The following NEO1 variants were observed in gnomAD, a reference collection of about 807,000 sequenced individuals.
NEO1 encodes the protein neogenin 1, also known as neogenin.
In NEO1, 63 loss-of-function variants were observed where a neutral mutation model predicts 159.7. That is an observed-to-expected ratio of 0.39 (90% confidence interval 0.32 to 0.49). NEO1 has a LOEUF of 0.49. Ranked by LOEUF, NEO1 falls within the 20% of genes least tolerant of loss-of-function variation. The pLI, the probability that NEO1 is intolerant of heterozygous loss-of-function variation, is 0.85. For missense variants in NEO1, 1,615 were observed against 1,831.0 expected, an observed-to-expected ratio of 0.88 and a Z score of 2.15; for synonymous variants, 633 against 662.0, an observed-to-expected ratio of 0.96 and a Z score of 0.67.
At chr15:73,132,654 TC>T (rs2031278023) in intron 4 of NEO1, among the ~76,000 whole-genome samples, 1 of 151,906 alleles carries the variant, frequency 6.6e-6, no homozygotes, top group Admixed American at 6.6e-5. Context: ...AGGACTAATA[TC>T]CAGAAGCTAG....
intron 3 of NEO1, among the ~76,000 whole-genome samples, chr15:73,125,592 C>T (rs2030092060): frequency 6.6e-6 from 1 of 152,210 alleles, no homozygotes; most frequent in Non-Finnish European, 1.5e-5. Flanking sequence ...CACATCTCTT[C>T]TGCCTGAGAC....
chr15:73,107,493 A>G (rs2070751794), intron 1 of NEO1, among the ~76,000 whole-genome samples: 2 of 152,344 alleles, frequency 1.3e-5, no homozygotes, highest in South Asian at 4.1e-4. Context: ...TTACTGTGAT[A>G]TAACATTTGG....
chr15:73,178,187 A>C, intron 6 of NEO1, 120 bp from the exon 7 acceptor site: 1 of 905,700 alleles, frequency 1.1e-6, no homozygotes, highest in Non-Finnish European at 1.6e-6. Flanking sequence ...GATAATATTT[A>C]ATAATTGGAT....
At chr15:73,252,956 C>T (rs1029728727) in intron 11 of NEO1, among the ~76,000 whole-genome samples, 1 of 152,152 alleles carries the variant, frequency 6.6e-6, no homozygotes, top group Non-Finnish European at 1.5e-5. Context: ...CGCCATTGTG[C>T]TCCAGCCTGG....
At chr15:73,071,937 T>TTTTGTTTGTTTG (rs35895070) in intron 1 of NEO1, among the ~76,000 whole-genome samples, 11 of 150,622 alleles carry the variant, frequency 7.3e-5, no homozygotes, top group African/African-American at 2.5e-4. Context: ...TTTAATTTAA[T>TTTTGTTTGTTTG]TTTGTTTGTT....
chr15:73,298,475 T>C lies in NEO1; in HGVS notation c.4029T>C (p.Asp1343=), dbSNP rs1032124912. The change falls in exon 27 of 29, where the codon GAT becomes GAC. Residue 1343 remains aspartate, a synonymous_variant. Coordinates refer to ENST00000261908, the MANE Select transcript of NEO1 (RefSeq NM_002499.4). ...SSYLASSQEE[D]SGQSLPTAHV... Reference sequence around the variant, plus strand: ...ACTTGGCCAGCTCCCAAGAGGAAGATTCAGGCCAGAGTCTTCCCACTGCCC... The same window carrying C: ...ACTTGGCCAGCTCCCAAGAGGAAGACTCAGGCCAGAGTCTTCCCACTGCCC... 3 of 1,614,174 alleles carry C rather than the reference T, an allele frequency of 1.9e-6. No homozygotes were observed. In the African/African-American group the frequency reaches 4.0e-5, roughly 22 times the overall value.
intron 7 of NEO1, among the ~76,000 whole-genome samples, chr15:73,195,595 T>C (rs1246713145): frequency 6.6e-6 from 1 of 152,218 alleles, no homozygotes; most frequent in Non-Finnish European, 1.5e-5. Context: ...GTAATAGTGT[T>C]TTAATATTTT....
chr15:73,292,320 G>A (rs1481431759), intron 25 of NEO1, among the ~76,000 whole-genome samples: 1 of 152,204 alleles, frequency 6.6e-6, no homozygotes, highest in East Asian at 1.9e-4. Flanking sequence ...AGGCCACTAA[G>A]TGTTAATTAA....
rs1164243805 is a variant in NEO1 at position 73,178,354 on chromosome 15, G to C, written c.1218G>C (p.Gly406=). The C allele has an allele frequency of 1.9e-6, 3 of 1,613,720 alleles. No homozygotes were observed. Among genetic ancestry groups the C allele is most frequent in the Admixed American group, 1.7e-5 (1 of 60,000 alleles). The change falls in exon 7 of 29, where the codon GGG becomes GGC. Residue 406 remains glycine, a synonymous_variant. Transcript: ENST00000261908. The stretch of plus-strand genomic sequence containing the variant: ...TGGGTCTGGTGAAATCAGATGAAGG[G>C]TTCTATCAGTGCATTGCTGAAAATG... The part of the protein sequence containing the change: ...QVLGLVKSDE[G]FYQCIAENDV...
chr15:73,083,262 C>G lies in NEO1; in HGVS notation c.130+30457C>G, dbSNP rs1040582032. ...GCAATTGTGGTAGTTGTGGCTTGGACTAGAGAGTGTAAATGGGCGTGATGA... is the reference window on the plus strand; with the variant it reads ...GCAATTGTGGTAGTTGTGGCTTGGAGTAGAGAGTGTAAATGGGCGTGATGA... On this transcript the variant is annotated intron_variant, in intron 1 of 28. Transcript: ENST00000261908. Among the ~76,000 whole-genome samples the G allele has an allele frequency of 3.9e-5, 6 of 152,076 alleles. 1 individual carries two copies. Among genetic ancestry groups the G allele is most frequent in the Admixed American group, 6.5e-5 (1 of 15,268 alleles).
rs1407805149 is a variant in NEO1, at chr15:73,168,383, G to GGC, written c.1016-8019_1016-8018insCG. ...ATTTTTAGTAGAGACGGGGGGTGGGGGGGGGGGGTCTCACCATGTTGGCTA... is the reference window on the plus strand; with the variant it reads ...ATTTTTAGTAGAGACGGGGGGTGGGGGCGGGGGGGGTCTCACCATGTTGGCTA... On this transcript the variant is annotated intron_variant, in intron 5 of 28. Transcript: ENST00000261908. Among the ~76,000 whole-genome samples the GGC allele has an allele frequency of 1.4e-3, 121 of 87,288 alleles. 3 individuals carry two copies. The highest frequency in any genetic ancestry group is 6.8e-3 in the Middle Eastern group (1 of 146). 57.3% of individuals were successfully genotyped at this position (87,288 alleles called of 152,430 possible). A position where few individuals can be genotyped will look rare whatever the true frequency, so the allele number is the denominator to read the frequency against.
intron 7 of NEO1, among the ~76,000 whole-genome samples, chr15:73,182,405 C>T (rs2151973605): frequency 6.6e-6 from 1 of 152,318 alleles, no homozygotes; most frequent in African/African-American, 2.4e-5. Context: ...ATCCCATTCT[C>T]ACCACATAAA....
chr15:73,169,543 A>G (rs1299943868), intron 5 of NEO1, among the ~76,000 whole-genome samples: 1 of 152,098 alleles, frequency 6.6e-6, no homozygotes, highest in Non-Finnish European at 1.5e-5. Flanking sequence ...ATGAAAGGGA[A>G]ACTAATGATT....
At chr15:73,071,936 A>ATTTT (rs1388615183) in intron 1 of NEO1, among the ~76,000 whole-genome samples, 3 of 98,020 alleles carry the variant, frequency 3.1e-5, no homozygotes, top group Non-Finnish European at 6.3e-5. Context: ...TTTTAATTTA[A>ATTTT]TTTTGTTTGT....
At chr15:73,194,437 G>C (rs1206128596) in intron 7 of NEO1, among the ~76,000 whole-genome samples, 2 of 152,200 alleles carry the variant, frequency 1.3e-5, no homozygotes, top group Admixed American at 1.3e-4. Context: ...ACCATCATCT[G>C]CTTCCAATGA....
At chr15:73,200,321 C>G (rs2152050735) in intron 7 of NEO1, among the ~76,000 whole-genome samples, 1 of 152,166 alleles carries the variant, frequency 6.6e-6, no homozygotes, top group East Asian at 1.9e-4. Flanking sequence ...TCGCTTACAC[C>G]TATAATCACA....
chr15:73,144,872 T>A (rs2032750651), intron 5 of NEO1, among the ~76,000 whole-genome samples: 1 of 152,214 alleles, frequency 6.6e-6, no homozygotes, highest in South Asian at 2.1e-4. Context: ...ATTATTTCAA[T>A]CTTTTTATTT....
At chr15:73,104,888 C>A (rs971677460) in intron 1 of NEO1, among the ~76,000 whole-genome samples, 2 of 152,064 alleles carry the variant, frequency 1.3e-5, no homozygotes, top group Admixed American at 1.3e-4. Context: ...TCTCATGTAT[C>A]ACCAGAACAG....
intron 22 of NEO1, among the ~76,000 whole-genome samples, chr15:73,280,460 T>C (rs529280561): frequency 4.5e-4 from 69 of 152,164 alleles, no homozygotes; most frequent in Non-Finnish European, 3.5e-4. Flanking sequence ...AATTTGTCAG[T>C]GAAATGCAGG....
Sources: gnomAD v4.1 joint callset for allele counts (sites outside exome capture counted in the v4.1 genomes callset) on GRCh38, gnomAD v4.1.1 for gene constraint, MANE v1.5 for transcripts, NCBI Gene and HGNC (gene_info 2026-07-23, HGNC 2026-07-21) for gene names.